Variants in LGR6 observed in about 807,000 individuals in gnomAD.
LGR6 encodes leucine-rich repeat-containing G protein-coupled receptor 6.
A neutral mutation model predicts 69.4 loss-of-function variants in LGR6; 45 were observed. That is an observed-to-expected ratio of 0.65 (90% CI 0.51 to 0.83). The LOEUF is 0.83. Ranked by LOEUF, LGR6 falls within the 40% of genes least tolerant of loss-of-function variation. The pLI is 0.00. For missense variants in LGR6, 1,108 were observed against 1,246.7 expected (o/e 0.89, Z 1.68); for synonymous variants, 538 against 555.0 (o/e 0.97, Z 0.43).
At chr1:202,263,659 G>A (rs1342860059) in intron 4 of LGR6, among the ~76,000 whole-genome samples, 2 of 152,160 alleles carry the variant, frequency 1.3e-5, no homozygotes, top group African/African-American at 4.8e-5. Context: ...GAGTATAGGA[G>A]GGAACAGCAC....
chr1:202,314,014 T>G (rs988730254), intron 16 of LGR6, among the ~76,000 whole-genome samples: 1 of 152,216 alleles, frequency 6.6e-6, no homozygotes, highest in African/African-American at 2.4e-5. Context: ...AGAATTGCAC[T>G]CAGCAGATGT....
At chr1:202,307,451 T>C in intron 14 of LGR6, 50 bp downstream of exon 14, 1 of 1,577,602 alleles carries the variant, frequency 6.3e-7, no homozygotes, top group Non-Finnish European at 8.7e-7. Context: ...CAGTCGGGAC[T>C]ATGGGCTGGC....
At chr1:202,245,872 G>A (rs767118270) in intron 4 of LGR6, among the ~76,000 whole-genome samples, 1 of 152,090 alleles carries the variant, frequency 6.6e-6, no homozygotes, top group Non-Finnish European at 1.5e-5. Context: ...CAGGAGGGAA[G>A]AGGAGACCGA....
intron 4 of LGR6, among the ~76,000 whole-genome samples, chr1:202,255,695 C>T (rs1663710357): frequency 6.6e-6 from 1 of 151,986 alleles, no homozygotes; most frequent in Admixed American, 6.6e-5. Flanking sequence ...ACAATTCTAC[C>T]ACCCAGACAC....
chr1:202,212,412 C>T (rs550614484), intron 1 of LGR6, among the ~76,000 whole-genome samples: 30 of 152,272 alleles, frequency 2.0e-4, no homozygotes, highest in African/African-American at 6.7e-4. Context: ...CAGTGGCTGC[C>T]GTGACAAAGT....
Position 202,318,271 on chromosome 1 carries a change from G to T in LGR6, c.1968G>T (p.Ser656=). 6.2e-7 allele frequency: 1 copy of T among 1,606,020 alleles called. No individual in the cohort carries two copies. The change falls in exon 18 of 18, where the codon TCG becomes TCT. Residue 656 remains serine, a synonymous_variant. Transcript: ENST00000367278. ...GFLAVLGSEA[S]VLLLTLAAVQ... Reference sequence around the variant, plus strand: ...TGGCAGTACTTGGGTCGGAGGCATCGGTGCTGCTGCTCACTCTGGCCGCAG... The same window carrying T: ...TGGCAGTACTTGGGTCGGAGGCATCTGTGCTGCTGCTCACTCTGGCCGCAG...
At chr1:202,240,792 A>G (rs1469078824) in intron 4 of LGR6, among the ~76,000 whole-genome samples, 1 of 151,926 alleles carries the variant, frequency 6.6e-6, no homozygotes, top group Non-Finnish European at 1.5e-5. Context: ...AAAAATGACA[A>G]TTTTTTGGAC....
intron 3 of LGR6, 137 bp from the exon 4 acceptor site, chr1:202,235,785 A>ACT: frequency 1.4e-6 from 1 of 691,160 alleles, no homozygotes; most frequent in East Asian, 2.6e-5. Context: ...GCTGGACCAG[A>ACT]CTCTCTCTGG....
intron 6 of LGR6, among the ~76,000 whole-genome samples, chr1:202,295,228 T>C (rs1667064861): frequency 6.9e-6 from 1 of 145,246 alleles, no homozygotes; most frequent in African/African-American, 2.6e-5. Context: ...CTCAGGAGGC[T>C]GAGGCAGGAG....
At position 202,285,544 on chromosome 1, in the gene LGR6, G is replaced by T. The variant is rs77365545; in HGVS notation, c.716+4692G>T. On this transcript the variant is annotated intron_variant, in intron 6 of 17. Coordinates refer to ENST00000367278, the MANE Select transcript of LGR6 (RefSeq NM_001017403.2). ...ATTGAGAAGATTGTTGGCAAGGATCGCATTAAATGAGATGACTTCACGTGA... is the reference window on the plus strand; with the variant it reads ...ATTGAGAAGATTGTTGGCAAGGATCTCATTAAATGAGATGACTTCACGTGA... 1.8e-4 allele frequency among the ~76,000 whole-genome samples: 28 copies of T among 152,182 alleles called. 1 individual carries two copies. The highest frequency in any genetic ancestry group is 1.0e-4 in the Non-Finnish European group (7 of 68,038).
chr1:202,233,308 G>A (rs575192987), intron 3 of LGR6, among the ~76,000 whole-genome samples: 321 of 152,288 alleles, frequency 2.1e-3, no homozygotes, highest in African/African-American at 7.4e-3. Flanking sequence ...GCCCCTTGGA[G>A]CTCGGGACTC....
chr1:202,211,217 C>T (rs572914327), intron 1 of LGR6, among the ~76,000 whole-genome samples: 37 of 152,280 alleles, frequency 2.4e-4, no homozygotes, highest in African/African-American at 6.7e-4. Flanking sequence ...GCTGGGGATA[C>T]ACAGATGAGT....
At chr1:202,236,288 G>C in intron 4 of LGR6, 1 of 420,800 alleles carries the variant, frequency 2.4e-6, no homozygotes, top group East Asian at 4.4e-5. Context: ...GTCCTGGGGC[G>C]ACTGGTGTTC....
chr1:202,214,250 G>T, intron 1 of LGR6: 1 of 1,533,002 alleles, frequency 6.5e-7, no homozygotes, highest in Non-Finnish European at 8.7e-7. Context: ...AGGCTTGGGG[G>T]AAGGGTGCCG....
At chr1:202,263,949 A>G (rs2148115647) in intron 4 of LGR6, among the ~76,000 whole-genome samples, 1 of 152,346 alleles carries the variant, frequency 6.6e-6, no homozygotes, top group East Asian at 1.9e-4. Flanking sequence ...ACTAGAAGCC[A>G]TAGATAATTC....
chr1:202,238,766 C>A (rs1012974153), intron 4 of LGR6, among the ~76,000 whole-genome samples: 3 of 150,892 alleles, frequency 2.0e-5, no homozygotes, highest in African/African-American at 7.3e-5. Flanking sequence ...GGTGGCAGAA[C>A]CAGAGTTGAG....
rs559858925 is a variant in LGR6, at chr1:202,200,998, G to A, written c.212+6797G>A. Among the ~76,000 whole-genome samples the A allele has an allele frequency of 4.3e-4, 66 of 152,250 alleles. 1 individual carries two copies. The South Asian group carries it at 9.8e-3, about 23-fold the overall frequency. ...CCTTTGTGTCCCATCCCCAGCCCCCGCTTCTCTGCTACAATCTTTTGTCTC... is the reference window on the plus strand; with the variant it reads ...CCTTTGTGTCCCATCCCCAGCCCCCACTTCTCTGCTACAATCTTTTGTCTC... On this transcript the variant is annotated intron_variant, in intron 1 of 17. Transcript: ENST00000367278.
At chr1:202,239,773 T>C (rs1042841678) in intron 4 of LGR6, among the ~76,000 whole-genome samples, 10 of 152,164 alleles carry the variant, frequency 6.6e-5, no homozygotes, top group Non-Finnish European at 1.3e-4. Context: ...CTTCTTCACT[T>C]ACTCACTTAC....
chr1:202,270,754 CCT>C (rs1016293311), intron 4 of LGR6, among the ~76,000 whole-genome samples: 7 of 152,180 alleles, frequency 4.6e-5, no homozygotes, highest in Non-Finnish European at 5.9e-5. Flanking sequence ...ACGCTTGCTC[CCT>C]GTTAGGTCCT....
Sources: allele counts gnomAD v4.1 joint callset (sites outside exome capture counted in the v4.1 genomes callset), GRCh38; gene constraint gnomAD v4.1.1; transcripts MANE v1.5; gene names NCBI Gene and HGNC (gene_info 2026-07-23, HGNC 2026-07-21).